The following MCTP1 variants were observed in gnomAD, a reference collection of about 807,000 sequenced individuals.
MCTP1 encodes the protein multiple C2 and transmembrane domain containing 1.
In MCTP1, 69 loss-of-function variants were observed where a neutral mutation model predicts 120.6. That is an observed-to-expected ratio of 0.57 (90% CI 0.47 to 0.70). MCTP1 has a LOEUF of 0.70. Ranked by LOEUF, MCTP1 falls within the 30% of genes least tolerant of loss-of-function variation. The probability of loss-of-function intolerance (pLI) is 0.00; values close to 1 mark genes in which losing one functional copy is unlikely to be tolerated. For synonymous variants in MCTP1, 529 were observed against 493.1 expected (o/e 1.07, Z -0.96); for missense variants, 1,203 against 1,248.8 (o/e 0.96, Z 0.55).
chr5:94,767,156 C>T (rs1162282290), intron 19 of MCTP1, among the ~76,000 whole-genome samples: 1 of 152,126 alleles, frequency 6.6e-6, no homozygotes, highest in Admixed American at 6.5e-5. Flanking sequence ...CATTAACAGA[C>T]TGGACAAAAC....
intron 1 of MCTP1, among the ~76,000 whole-genome samples, chr5:95,101,345 G>A (rs1449241348): frequency 2.6e-5 from 4 of 152,140 alleles, no homozygotes; most frequent in Non-Finnish European, 1.5e-5. Flanking sequence ...AATATTTCCT[G>A]TTGAGATACA....
intron 1 of MCTP1, among the ~76,000 whole-genome samples, chr5:95,114,816 A>T (rs1427649731): frequency 6.6e-6 from 1 of 152,214 alleles, no homozygotes; most frequent in Non-Finnish European, 1.5e-5. Context: ...GGTGGCAGCC[A>T]GGTAGTAATT....
At chr5:94,990,206 C>A (rs771707622) in intron 2 of MCTP1, among the ~76,000 whole-genome samples, 1 of 152,068 alleles carries the variant, frequency 6.6e-6, no homozygotes, top group African/African-American at 2.4e-5. Flanking sequence ...GGGTAATTAG[C>A]GTTGAAATTG....
chr5:94,704,033 A>G lies in MCTP1; in HGVS notation c.*3463T>C, dbSNP rs1215325009. 6.6e-6 allele frequency: 1 copy of G among 151,458 alleles called. No individual in the cohort carries two copies. The highest frequency in any genetic ancestry group is 1.5e-5 in the Non-Finnish European group (1 of 67,626). The allele number at this position is 151,458 out of a possible 1,614,324, so 9.4% of individuals were successfully genotyped here. On this transcript the variant is annotated 3_prime_UTR_variant, in exon 23 of 23. Coordinates refer to ENST00000515393, the MANE Select transcript of MCTP1 (RefSeq NM_024717.7). ...GTTTTGTTTTCTTTCAGTGAGTTACACCAATCATCCCAGGAAAAAGAATTA... is the reference window on the plus strand; with the variant it reads ...GTTTTGTTTTCTTTCAGTGAGTTACGCCAATCATCCCAGGAAAAAGAATTA...
intron 12 of MCTP1, among the ~76,000 whole-genome samples, chr5:94,873,656 T>C (rs1225831552): frequency 6.6e-6 from 1 of 152,048 alleles, no homozygotes; most frequent in Non-Finnish European, 1.5e-5. Flanking sequence ...TCAACTCATC[T>C]GATTCACTAT....
intron 17 of MCTP1, among the ~76,000 whole-genome samples, chr5:94,803,381 G>A (rs1781594465): frequency 6.6e-6 from 1 of 152,160 alleles, no homozygotes; most frequent in South Asian, 2.1e-4. Flanking sequence ...CCCTCAAGAA[G>A]CTGCTGCAGT....
chr5:94,986,805 C>G (rs1031850629), intron 2 of MCTP1, among the ~76,000 whole-genome samples: 1 of 152,106 alleles, frequency 6.6e-6, no homozygotes, highest in Non-Finnish European at 1.5e-5. Flanking sequence ...GCCACCGCGT[C>G]GGGCCTAGGT....
rs142189802 is a variant in MCTP1, at chr5:95,150,452, A to G, written c.721-132968T>C. On this transcript the variant is annotated intron_variant, in intron 1 of 22. Coordinates refer to ENST00000515393, the MANE Select transcript of MCTP1 (RefSeq NM_024717.7). Reference sequence around the variant, plus strand: ...AGTATGGTATCCTAAGTAAGAGTCAATGAACTATATATGAGGCCTGGGAGT... The same window carrying G: ...AGTATGGTATCCTAAGTAAGAGTCAGTGAACTATATATGAGGCCTGGGAGT... Among the ~76,000 whole-genome samples, 234 of 152,338 alleles carry G rather than the reference A, an allele frequency of 1.5e-3. 2 individuals carry two copies. Among genetic ancestry groups the G allele is most frequent in the African/African-American group, 5.4e-3 (223 of 41,576 alleles).
At chr5:95,105,568 G>C (rs1757024092) in intron 1 of MCTP1, among the ~76,000 whole-genome samples, 1 of 152,058 alleles carries the variant, frequency 6.6e-6, no homozygotes, top group South Asian at 2.1e-4. Context: ...CTTGGGCTTG[G>C]ATGCAGGGAA....
At chr5:94,750,490 T>C (rs1165255653) in intron 19 of MCTP1, among the ~76,000 whole-genome samples, 2 of 152,244 alleles carry the variant, frequency 1.3e-5, no homozygotes, top group African/African-American at 4.8e-5. Flanking sequence ...CCTTATCTGC[T>C]AAAAGTGACT....
intron 1 of MCTP1, among the ~76,000 whole-genome samples, chr5:95,039,870 A>C (rs1162847366): frequency 1.9e-5 from 2 of 105,426 alleles, no homozygotes; most frequent in Non-Finnish European, 3.8e-5. Flanking sequence ...TCTTCTCAGT[A>C]CCGTTTGCAA....
At chr5:94,751,245 T>G (rs764433399) in intron 19 of MCTP1, among the ~76,000 whole-genome samples, 1 of 151,880 alleles carries the variant, frequency 6.6e-6, no homozygotes, top group Non-Finnish European at 1.5e-5. Context: ...GAGTTAGGGG[T>G]TTAAACAGAA....
At chr5:95,071,331 G>T (rs967059501) in intron 1 of MCTP1, among the ~76,000 whole-genome samples, 1 of 152,126 alleles carries the variant, frequency 6.6e-6, no homozygotes. Context: ...GAGAATTTTG[G>T]TGCTGCCAGA....
chr5:95,180,712 T>C (rs1189677312), intron 1 of MCTP1, among the ~76,000 whole-genome samples: 1 of 152,160 alleles, frequency 6.6e-6, no homozygotes, highest in Admixed American at 6.5e-5. Flanking sequence ...CTCCCAAATT[T>C]GTATCTCTAG....
intron 1 of MCTP1, among the ~76,000 whole-genome samples, chr5:95,215,554 A>G (rs1306315579): frequency 6.6e-6 from 1 of 152,186 alleles, no homozygotes; most frequent in Non-Finnish European, 1.5e-5. Context: ...GAGCAAACTC[A>G]GCTTTATTTT....
At chr5:95,102,475 A>G (rs575271158) in intron 1 of MCTP1, among the ~76,000 whole-genome samples, 1 of 152,358 alleles carries the variant, frequency 6.6e-6, no homozygotes, top group East Asian at 1.9e-4. Context: ...AGCAAAAGCT[A>G]ACAGACACAC....
At chr5:94,840,372 C>T (rs1194882983) in intron 17 of MCTP1, among the ~76,000 whole-genome samples, 1 of 152,208 alleles carries the variant, frequency 6.6e-6, no homozygotes, top group East Asian at 1.9e-4. Flanking sequence ...TTCTCCTTCT[C>T]TCTTTTCTCA....
chr5:94,764,925 G>T (rs146701411), intron 19 of MCTP1, among the ~76,000 whole-genome samples: 1 of 149,820 alleles, frequency 6.7e-6, no homozygotes, highest in Non-Finnish European at 1.5e-5. Flanking sequence ...CCATTTAATC[G>T]AACAGCTGCA....
At chr5:94,894,948 TG>T in intron 10 of MCTP1, 113 bp from the exon 11 acceptor site, 2 of 648,306 alleles carry the variant, frequency 3.1e-6, no homozygotes, top group Middle Eastern at 4.0e-4. Context: ...TTTGGACCAT[TG>T]GAAGAATACA....
Sources: allele counts gnomAD v4.1 joint callset (sites outside exome capture counted in the v4.1 genomes callset), GRCh38; gene constraint gnomAD v4.1.1; transcripts MANE v1.5; gene names NCBI Gene and HGNC (gene_info 2026-07-23, HGNC 2026-07-21).